The following CENPP variants were observed in gnomAD, a reference collection of about 807,000 sequenced individuals.
The protein encoded by CENPP is centromere protein P.
Under a neutral mutation model 35.6 loss-of-function variants are expected in CENPP, and 24 were observed. That is an observed-to-expected ratio of 0.67 (90% CI 0.49 to 0.95). The LOEUF (loss-of-function observed/expected upper bound fraction) is 0.95. Ranked by LOEUF, CENPP falls within the 40% of genes least tolerant of loss-of-function variation. The pLI, the probability that CENPP is intolerant of heterozygous loss-of-function variation, is 0.00. For missense variants in CENPP, 332 were observed against 345.3 expected (o/e 0.96, Z 0.31); for synonymous variants, 120 against 125.5 (o/e 0.96, Z 0.29).
chr9:92,608,780 C>A (rs901682086), intron 5 of CENPP, among the ~76,000 whole-genome samples: 1 of 152,220 alleles, frequency 6.6e-6, no homozygotes, highest in Non-Finnish European at 1.5e-5. Flanking sequence ...GCGTTTCTAC[C>A]TTTGACTTTA....
chr9:92,356,685 G>A (rs548650346), intron 4 of CENPP, among the ~76,000 whole-genome samples: 69 of 152,218 alleles, frequency 4.5e-4, no homozygotes, highest in African/African-American at 1.6e-3. Context: ...ATTAAAGACA[G>A]GTGTAAGAAA....
At chr9:92,414,970 T>C (rs1258702245) in intron 5 of CENPP, 2 of 409,898 alleles carry the variant, frequency 4.9e-6, no homozygotes, top group Non-Finnish European at 8.5e-6. Context: ...ATTTACATTA[T>C]TTTGAGTAAG....
At chr9:92,505,673 T>C (rs773392646) in intron 5 of CENPP, 1 of 1,585,812 alleles carries the variant, frequency 6.3e-7, no homozygotes, top group East Asian at 2.2e-5. Flanking sequence ...AATTCTAAGG[T>C]GACCAACTGA....
At chr9:92,500,899 A>G (rs1202551234) in intron 5 of CENPP, 5 of 1,614,190 alleles carry the variant, frequency 3.1e-6, no homozygotes, top group East Asian at 2.2e-5. Flanking sequence ...AATGACAGGT[A>G]CAAGTATTCC....
chr9:92,390,885 C>T lies in CENPP; in HGVS notation c.564+11026C>T, dbSNP rs949418240. Among the ~76,000 whole-genome samples the T allele has an allele frequency of 3.4e-4, 52 of 152,162 alleles. 2 individuals are homozygous for T. The highest frequency in any genetic ancestry group is 1.2e-3 in the African/African-American group (51 of 41,432). ...TCATGCCTGAACAAACCTTATCTAA[C>T]ATATTTTCCCTGTAGGCATATCACA... On this transcript the variant is annotated intron_variant, in intron 5 of 7. Transcript: ENST00000375587.
chr9:92,383,881 A>T (rs1251048575), intron 5 of CENPP: 1 of 152,182 alleles, frequency 6.6e-6, no homozygotes, highest in Admixed American at 6.5e-5. Context: ...ATAGGAATAC[A>T]TTATTTTTCT....
intron 5 of CENPP, among the ~76,000 whole-genome samples, chr9:92,439,923 A>G (rs1335466729): frequency 1.3e-5 from 2 of 152,188 alleles, no homozygotes; most frequent in East Asian, 1.9e-4. Flanking sequence ...ATTCAAGTTA[A>G]TATTTACAGT....
At chr9:92,492,589 TG>T (rs1374096998) in intron 5 of CENPP, among the ~76,000 whole-genome samples, 1 of 152,168 alleles carries the variant, frequency 6.6e-6, no homozygotes, top group Non-Finnish European at 1.5e-5. Flanking sequence ...GAGGTGGTTT[TG>T]AGTATCTTTC....
chr9:92,397,684 G>A (rs570472187), intron 5 of CENPP, among the ~76,000 whole-genome samples: 14 of 152,224 alleles, frequency 9.2e-5, no homozygotes, highest in African/African-American at 2.9e-4. Flanking sequence ...GCAGGTGCTG[G>A]GTGTGCTCAT....
At chr9:92,444,863 A>C (rs535055182) in intron 5 of CENPP, among the ~76,000 whole-genome samples, 1 of 152,224 alleles carries the variant, frequency 6.6e-6, no homozygotes, top group African/African-American at 2.4e-5. Context: ...AGGAGCTGAC[A>C]TGGGCCCCTA....
At chr9:92,530,527 T>G (rs1296729507) in intron 5 of CENPP, among the ~76,000 whole-genome samples, 1 of 152,198 alleles carries the variant, frequency 6.6e-6, no homozygotes, top group Non-Finnish European at 1.5e-5. Flanking sequence ...ATTAACCTAT[T>G]TGTTCAAATT....
chr9:92,354,500 A>T (rs1471633089), intron 4 of CENPP, among the ~76,000 whole-genome samples: 1 of 152,150 alleles, frequency 6.6e-6, no homozygotes, highest in African/African-American at 2.4e-5. Context: ...GTGATGGATT[A>T]TCCTATCCCT....
chr9:92,573,596 G>T (rs567785211), intron 5 of CENPP, among the ~76,000 whole-genome samples: 4 of 152,198 alleles, frequency 2.6e-5, no homozygotes, highest in Non-Finnish European at 4.4e-5. Context: ...CTCAAACTCC[G>T]TGCTGGGGGA....
rs35161698 is a variant in CENPP at position 92,505,656 on chromosome 9, T to C, written c.565-105658T>C. ...TGACATTGGCTTCACTGAGATTGTT[T>C]CCTTCCAATTCTAAGGTGACCAACT... On this transcript the variant is annotated intron_variant, in intron 5 of 7. Coordinates refer to ENST00000375587, the MANE Select transcript of CENPP (RefSeq NM_001012267.3). 4.0e-3 allele frequency: 6,375 copies of C among 1,605,474 alleles called. 211 individuals carry two copies. In the African/African-American group the frequency reaches 0.072, roughly 18 times the overall value.
At chr9:92,603,324 G>A (rs192757630) in intron 5 of CENPP, among the ~76,000 whole-genome samples, 224 of 152,370 alleles carry the variant, frequency 1.5e-3, no homozygotes, top group Admixed American at 5.6e-3. Flanking sequence ...CTAGACCAGT[G>A]TCTGGCACAG....
intron 5 of CENPP, among the ~76,000 whole-genome samples, chr9:92,402,296 T>C (rs1843147045): frequency 1.3e-5 from 2 of 152,172 alleles, no homozygotes; most frequent in African/African-American, 4.8e-5. Flanking sequence ...AGAAAGAAAC[T>C]GTGGTGTTAA....
chr9:92,573,757 CT>C (rs753485940), intron 5 of CENPP, among the ~76,000 whole-genome samples: 130 of 152,366 alleles, frequency 8.5e-4, no homozygotes, highest in Non-Finnish European at 1.6e-3. Context: ...CCAGTTCGAG[CT>C]TCCCGGCTGC....
rs563950879 is a variant in CENPP, at chr9:92,391,864, A to C, written c.564+12005A>C. On this transcript the variant is annotated intron_variant, in intron 5 of 7. Coordinates refer to ENST00000375587, the MANE Select transcript of CENPP (RefSeq NM_001012267.3). ...TGTATTAATTTTGGGGTTATAAATA[A>C]ATTTTAGCAAGTGGGTATTCACAAA... is the stretch of plus-strand genomic sequence containing the variant. Among the ~76,000 whole-genome samples the C allele has an allele frequency of 4.6e-5, 7 of 152,298 alleles. No individual in the cohort carries two copies. In the East Asian group the frequency reaches 1.4e-3, roughly 29 times the overall value.
intron 4 of CENPP, among the ~76,000 whole-genome samples, chr9:92,372,605 A>G (rs1842036374): frequency 6.6e-6 from 1 of 152,126 alleles, no homozygotes; most frequent in Non-Finnish European, 1.5e-5. Context: ...TTCCTTGAGC[A>G]TTTCTTCTAG....
Sources: allele counts gnomAD v4.1 joint callset (sites outside exome capture counted in the v4.1 genomes callset), GRCh38; gene constraint gnomAD v4.1.1; transcripts MANE v1.5; gene names NCBI Gene and HGNC (gene_info 2026-07-23, HGNC 2026-07-21).